The following ARNT2 variants were observed in gnomAD, a reference collection of about 807,000 sequenced individuals.
ARNT2 encodes aryl hydrocarbon receptor nuclear translocator 2.
In ARNT2, 36 loss-of-function variants were observed where a neutral mutation model predicts 91.7. The ratio of observed to expected loss-of-function variants is 0.39; its 90% CI spans 0.30 to 0.52. ARNT2 has a LOEUF of 0.52. Among genes scored for constraint, ARNT2 ranks in the 20% least tolerant of loss-of-function variants. The pLI, the probability that ARNT2 is intolerant of heterozygous loss-of-function variation, is 0.72. For synonymous variants in ARNT2, 365 were observed against 347.1 expected, an observed-to-expected ratio of 1.05 and a Z score of -0.57; for missense variants, 775 against 939.3, an observed-to-expected ratio of 0.83 and a Z score of 2.29.
At chr15:80,523,092 G>A (rs1041001648) in intron 8 of ARNT2, among the ~76,000 whole-genome samples, 2 of 152,068 alleles carry the variant, frequency 1.3e-5, no homozygotes, top group Admixed American at 6.6e-5. Flanking sequence ...ATGTCATGGG[G>A]CTCCTTGTCC....
intron 8 of ARNT2, among the ~76,000 whole-genome samples, chr15:80,529,245 C>T (rs374952553): frequency 6.6e-6 from 1 of 152,192 alleles, no homozygotes. Flanking sequence ...TGCTGATTTA[C>T]ATTTCTCCCT....
chr15:80,595,988 G>GGGGT lies in ARNT2; in HGVS notation c.*2291_*2294dup, dbSNP rs902534883. 6.6e-6 allele frequency: 1 copy of GGGGT among 152,224 alleles called. No homozygotes were observed. The highest frequency in any genetic ancestry group is 2.4e-5 in the African/African-American group (1 of 41,450). 9.4% of individuals were successfully genotyped at this position (152,224 alleles called of 1,614,324 possible). A position where few individuals can be genotyped will look rare whatever the true frequency, so the allele number is the denominator to read the frequency against. On this transcript the variant is annotated 3_prime_UTR_variant, in exon 19 of 19. Coordinates refer to ENST00000303329, the MANE Select transcript of ARNT2 (RefSeq NM_014862.4). ...TTAGCTTGTGAGTTTGGAAGTTTGGGGGGTCTTATGTTTGTTTTGCCTCTT... is the reference window on the plus strand; with the variant it reads ...TTAGCTTGTGAGTTTGGAAGTTTGGGGGGTGGGTCTTATGTTTGTTTTGCCTCTT...
chr15:80,445,357 AGTG>A (rs1224241281), intron 1 of ARNT2, among the ~76,000 whole-genome samples: 1 of 136,084 alleles, frequency 7.3e-6, no homozygotes, highest in Non-Finnish European at 1.6e-5. Context: ...TGTTGATGTG[AGTG>A]GTGTATGTGG....
chr15:80,447,878 A>C (rs6495500), intron 1 of ARNT2, among the ~76,000 whole-genome samples: 90,465 of 151,972 alleles, frequency 0.6, 27,098 homozygotes, highest in East Asian at 0.76. Context: ...ACTTAATTAC[A>C]AAAAATAGCA....
intron 17 of ARNT2, among the ~76,000 whole-genome samples, chr15:80,582,813 A>C (rs1270119642): frequency 1.3e-5 from 2 of 152,202 alleles, no homozygotes; most frequent in Non-Finnish European, 2.9e-5. Context: ...CCAGGCACTC[A>C]GCACGGTTAC....
intron 8 of ARNT2, among the ~76,000 whole-genome samples, chr15:80,528,363 CATTT>C (rs1016224512): frequency 1.5e-5 from 2 of 137,104 alleles, no homozygotes; most frequent in African/African-American, 2.8e-5. Context: ...GATATTTGAC[CATTT>C]ATCTATCTAT....
chr15:80,448,483 C>T (rs1896337829), intron 1 of ARNT2, among the ~76,000 whole-genome samples: 1 of 152,228 alleles, frequency 6.6e-6, no homozygotes, highest in Non-Finnish European at 1.5e-5. Context: ...TCATCCTTTG[C>T]CCCACCAGCC....
At chr15:80,452,974 G>T (rs1432154960) in intron 2 of ARNT2, among the ~76,000 whole-genome samples, 3 of 152,168 alleles carry the variant, frequency 2.0e-5, no homozygotes, top group African/African-American at 7.2e-5. Context: ...GTCTCGCTCT[G>T]TGGCCCAGGG....
At chr15:80,469,386 A>G (rs1472953524) in intron 3 of ARNT2, among the ~76,000 whole-genome samples, 1 of 152,184 alleles carries the variant, frequency 6.6e-6, no homozygotes, top group Non-Finnish European at 1.5e-5. Context: ...GGCATAGAAC[A>G]AAGGCTTATT....
chr15:80,586,813 C>T (rs1567009181), intron 17 of ARNT2, among the ~76,000 whole-genome samples: 1 of 148,950 alleles, frequency 6.7e-6, no homozygotes, highest in African/African-American at 2.5e-5. Context: ...TGCACTCCAG[C>T]CTGGATGACA....
intron 1 of ARNT2, among the ~76,000 whole-genome samples, chr15:80,428,833 A>T (rs1895968819): frequency 6.6e-6 from 1 of 152,224 alleles, no homozygotes; most frequent in Admixed American, 6.5e-5. Context: ...GGATCTAGAA[A>T]TAGACAAATA....
chr15:80,571,610 C>A (rs146489267), intron 12 of ARNT2, among the ~76,000 whole-genome samples: 185 of 152,268 alleles, frequency 1.2e-3, no homozygotes, highest in African/African-American at 4.2e-3. Context: ...AACAAAGGAA[C>A]AAGAGTGGAA....
chr15:80,517,774 G>C (rs938917235), intron 8 of ARNT2, among the ~76,000 whole-genome samples: 2 of 151,878 alleles, frequency 1.3e-5, no homozygotes, highest in Non-Finnish European at 2.9e-5. Flanking sequence ...ACTGTTTTCA[G>C]TTTACTGATG....
At chr15:80,590,195 A>G (rs2141488072) in intron 17 of ARNT2, among the ~76,000 whole-genome samples, 1 of 152,268 alleles carries the variant, frequency 6.6e-6, no homozygotes, top group East Asian at 1.9e-4. Context: ...TGATCGTTGG[A>G]AAGAGTAGTA....
chr15:80,483,896 A>T (rs546304859), intron 5 of ARNT2, among the ~76,000 whole-genome samples: 125 of 152,352 alleles, frequency 8.2e-4, no homozygotes, highest in Middle Eastern at 3.4e-3. Context: ...TGTTGAGTTC[A>T]GCCATGTGGT....
intron 5 of ARNT2, among the ~76,000 whole-genome samples, chr15:80,486,180 C>G (rs1054556396): frequency 6.6e-6 from 1 of 152,170 alleles, no homozygotes; most frequent in African/African-American, 2.4e-5. Flanking sequence ...CCAAATTTCC[C>G]TCTTCTAAGA....
At position 80,540,759 on chromosome 15, in the gene ARNT2, G is replaced by C. The variant is rs1897892436; in HGVS notation, c.878-10440G>C. Among the ~76,000 whole-genome samples, 2 of 152,184 alleles carry C rather than the reference G, an allele frequency of 1.3e-5. 1 individual carries two copies. Among genetic ancestry groups the C allele is most frequent in the South Asian group, 4.2e-4 (2 of 4,812 alleles). On this transcript the variant is annotated intron_variant, in intron 8 of 18. Transcript: ENST00000303329. The stretch of plus-strand genomic sequence containing the variant: ...GAGAACATGTGGTATTTGGCTCTCT[G>C]TTCCTGCATTAATTCATTTACAATA...
intron 8 of ARNT2, among the ~76,000 whole-genome samples, chr15:80,526,315 C>T (rs1284630617): frequency 6.6e-6 from 1 of 152,214 alleles, no homozygotes; most frequent in South Asian, 2.1e-4. Context: ...TGATGGGCTG[C>T]GTTTTCCATT....
At chr15:80,490,020 ACCGTAGGCAGCTTTGTCTTGG>A (rs1897032180) in intron 5 of ARNT2, among the ~76,000 whole-genome samples, 1 of 151,334 alleles carries the variant, frequency 6.6e-6, no homozygotes, top group Non-Finnish European at 1.5e-5. Context: ...TTTTCCCCCA[ACCGTAGGCAGCTTTGTCTTGG>A]GAGGTATTCT....
Sources: gnomAD v4.1 joint callset for allele counts (sites outside exome capture counted in the v4.1 genomes callset) on GRCh38, gnomAD v4.1.1 for gene constraint, MANE v1.5 for transcripts, NCBI Gene and HGNC (gene_info 2026-07-23, HGNC 2026-07-21) for gene names.